Variants in ASCC3 observed in about 807,000 individuals in gnomAD.
ASCC3 encodes the protein ASC-1 complex subunit P200.
In ASCC3, 158 loss-of-function variants were observed where a neutral mutation model predicts 256.3. The ratio of observed to expected loss-of-function variants is 0.62; its 90% confidence interval spans 0.54 to 0.70. The LOEUF is 0.70. Among genes scored for constraint, ASCC3 ranks in the 30% least tolerant of loss-of-function variants. The pLI is 0.00. For missense variants in ASCC3, 2,259 were observed against 2,626.0 expected (o/e 0.86, Z 3.05); for synonymous variants, 948 against 883.4 (o/e 1.07, Z -1.30).
intron 5 of ASCC3, among the ~76,000 whole-genome samples, chr6:100,805,062 T>C (rs1049409219): frequency 6.6e-6 from 1 of 152,132 alleles, no homozygotes; most frequent in Non-Finnish European, 1.5e-5. Flanking sequence ...CATGGAACAC[T>C]ACGTAGCCAT....
intron 2 of ASCC3, among the ~76,000 whole-genome samples, chr6:100,867,070 G>C (rs705603): frequency 0.71 from 107,381 of 152,016 alleles, 38,154 homozygotes; most frequent in East Asian, 0.75. Flanking sequence ...CTTGCCAAAC[G>C]TCATGCCCTA....
intron 35 of ASCC3, 87 bp from the exon 36 acceptor site, chr6:100,589,855 AT>A: frequency 1.3e-6 from 2 of 1,595,882 alleles, no homozygotes; most frequent in Admixed American, 1.7e-5. Context: ...TTTTGAAACA[AT>A]TTTTTAAAAA....
chr6:100,687,861 G>C (rs1005714292), intron 13 of ASCC3, among the ~76,000 whole-genome samples: 6 of 152,048 alleles, frequency 3.9e-5, no homozygotes, highest in Non-Finnish European at 5.9e-5. Flanking sequence ...ACAGAGAAGA[G>C]AGCAAATTCA....
chr6:100,622,479 A>T (rs1774008784), intron 30 of ASCC3, among the ~76,000 whole-genome samples: 1 of 152,070 alleles, frequency 6.6e-6, no homozygotes, highest in African/African-American at 2.4e-5. Context: ...CTCCCCAGCC[A>T]TGCTGAACTG....
chr6:100,806,962 G>T (rs1303162860), intron 4 of ASCC3, among the ~76,000 whole-genome samples: 1 of 151,442 alleles, frequency 6.6e-6, no homozygotes, highest in Non-Finnish European at 1.5e-5. Context: ...GTTATTTTTG[G>T]ACTTAAGAAA....
chr6:100,685,238 T>C (rs1032146013), intron 13 of ASCC3, among the ~76,000 whole-genome samples: 10 of 152,242 alleles, frequency 6.6e-5, no homozygotes, highest in Non-Finnish European at 1.5e-4. Context: ...TTTTACATTA[T>C]GTGGCACATA....
chr6:100,647,520 ATTC>A, intron 20 of ASCC3, 69 bp from the exon 21 acceptor site: 1 of 1,365,236 alleles, frequency 7.3e-7, no homozygotes. Flanking sequence ...TAAATCTATT[ATTC>A]AAACTCAGTC....
intron 13 of ASCC3, among the ~76,000 whole-genome samples, chr6:100,684,549 C>T (rs942431172): frequency 6.6e-6 from 1 of 152,024 alleles, no homozygotes; most frequent in Non-Finnish European, 1.5e-5. Context: ...ATTATTAGGT[C>T]GAATAAACAT....
intron 36 of ASCC3, among the ~76,000 whole-genome samples, chr6:100,571,506 C>T (rs1433775981): frequency 6.6e-6 from 1 of 152,184 alleles, no homozygotes; most frequent in Non-Finnish European, 1.5e-5. Context: ...CGGTTTTCTG[C>T]TGTATCCTCC....
At chr6:100,723,505 A>C (rs975796212) in intron 11 of ASCC3, among the ~76,000 whole-genome samples, 1 of 151,738 alleles carries the variant, frequency 6.6e-6, no homozygotes. Context: ...TTTATGGTGA[A>C]TTTACAAAAT....
At chr6:100,553,573 G>C (rs898047292) in intron 36 of ASCC3, among the ~76,000 whole-genome samples, 1 of 152,018 alleles carries the variant, frequency 6.6e-6, no homozygotes, top group Non-Finnish European at 1.5e-5. Context: ...CTGCAAATCT[G>C]TGTCTCTGAT....
intron 4 of ASCC3, among the ~76,000 whole-genome samples, chr6:100,831,065 GT>G (rs1771595582): frequency 6.6e-6 from 1 of 151,854 alleles, no homozygotes; most frequent in Non-Finnish European, 1.5e-5. Context: ...TTATTCTTCT[GT>G]TTTCAAGTTT....
intron 13 of ASCC3, among the ~76,000 whole-genome samples, chr6:100,704,574 T>C (rs894830381): frequency 1.3e-5 from 2 of 152,020 alleles, no homozygotes; most frequent in Non-Finnish European, 2.9e-5. Flanking sequence ...AAAATAATTT[T>C]CTTCAGATAG....
intron 4 of ASCC3, among the ~76,000 whole-genome samples, chr6:100,845,412 ATT>A (rs1453465032): frequency 2.6e-5 from 4 of 152,166 alleles, no homozygotes; most frequent in Admixed American, 1.3e-4. Context: ...AATAAATGAA[ATT>A]TTGTTAGATT....
Position 100,629,193 on chromosome 6 carries a change from TATAAC to T in ASCC3, c.4209-17_4209-13del. 1 of 1,611,416 alleles carries T rather than the reference TATAAC, an allele frequency of 6.2e-7. No individual in the cohort carries two copies. The highest frequency in any genetic ancestry group is 8.5e-7 in the Non-Finnish European group (1 of 1,178,258). ...TTAGTTCAATAACTCTGGAGGGAAA[TATAAC>T]AATGATCCCAGAAACTTTTCAGGTA... On this transcript the variant is annotated splice_polypyrimidine_tract_variant and intron_variant, in intron 26 of 41. Coordinates refer to ENST00000369162, the MANE Select transcript of ASCC3 (RefSeq NM_006828.4).
chr6:100,809,510 T>C (rs566836688), intron 4 of ASCC3, among the ~76,000 whole-genome samples: 4 of 152,218 alleles, frequency 2.6e-5, no homozygotes, highest in South Asian at 4.1e-4. Context: ...CTGTTGTATA[T>C]AGTCCGTCAC....
intron 36 of ASCC3, among the ~76,000 whole-genome samples, chr6:100,585,619 G>T (rs1175052693): frequency 6.6e-6 from 1 of 152,188 alleles, no homozygotes. Flanking sequence ...TCCGTTGCTG[G>T]TGAGGAACTG....
chr6:100,625,980 A>G (rs573412132), intron 29 of ASCC3, among the ~76,000 whole-genome samples: 5 of 152,036 alleles, frequency 3.3e-5, no homozygotes, highest in Admixed American at 6.6e-5. Context: ...CTATGCCTGA[A>G]TGAGTATCTG....
chr6:100,694,291 ACCC>A (rs1777973496), intron 13 of ASCC3, among the ~76,000 whole-genome samples: 1 of 149,888 alleles, frequency 6.7e-6, no homozygotes. Flanking sequence ...ACAAAGGGAG[ACCC>A]CATCTCTAGA....
Sources: gnomAD v4.1 joint callset for allele counts (sites outside exome capture counted in the v4.1 genomes callset) on GRCh38, gnomAD v4.1.1 for gene constraint, MANE v1.5 for transcripts, NCBI Gene and HGNC (gene_info 2026-07-23, HGNC 2026-07-21) for gene names.